The following TRPM3 variants were observed in gnomAD, a reference collection of about 807,000 sequenced individuals.
TRPM3 encodes the protein long transient receptor potential channel 3.
TRPM3 carries 77 observed loss-of-function variants against 181.2 expected under a neutral mutation model. The ratio of observed to expected loss-of-function variants is 0.42; its 90% CI spans 0.35 to 0.51. The LOEUF is 0.51. TRPM3 is among the 20% of genes least tolerant of loss of function. The pLI is 0.01. For synonymous variants in TRPM3, 745 were observed against 796.4 expected (o/e 0.94, Z 1.09); for missense variants, 1,759 against 2,196.7 (o/e 0.80, Z 3.98).
At chr9:70,835,002 G>C in intron 5 of TRPM3, among the ~76,000 whole-genome samples, 1 of 152,110 alleles carries the variant, frequency 6.6e-6, no homozygotes, top group Non-Finnish European at 1.5e-5. Flanking sequence ...GAATGACTTG[G>C]TGCCCTCCCC....
chr9:71,035,389 T>G lies in TRPM3; in HGVS notation c.177+85789A>C, dbSNP rs180931385. ...AGAAGAGGCACTAGAAGGCATAAAT[T>G]TAGTCATTCATATATTGTATAAAAA... is the stretch of plus-strand genomic sequence containing the variant. On this transcript the variant is annotated intron_variant, in intron 1 of 25. Coordinates refer to ENST00000677713, the MANE Select transcript of TRPM3 (RefSeq NM_001366145.2). Among the ~76,000 whole-genome samples the G allele has an allele frequency of 3.0e-4, 45 of 152,298 alleles. No homozygotes were observed. The East Asian group carries it at 7.9e-3, about 27-fold the overall frequency.
intron 3 of TRPM3, among the ~76,000 whole-genome samples, chr9:70,859,493 A>G (rs2095472006): frequency 6.6e-6 from 1 of 152,230 alleles, no homozygotes; most frequent in African/African-American, 2.4e-5. Flanking sequence ...TGTTATAAAC[A>G]TAAAACAAGG....
At chr9:71,058,510 C>T (rs1408922417) in intron 1 of TRPM3, among the ~76,000 whole-genome samples, 1 of 152,018 alleles carries the variant, frequency 6.6e-6, no homozygotes, top group Non-Finnish European at 1.5e-5. Flanking sequence ...AGCTGGTCTA[C>T]CTGATGTATC....
chr9:70,644,343 G>A (rs1330371993), intron 9 of TRPM3, among the ~76,000 whole-genome samples: 1 of 152,160 alleles, frequency 6.6e-6, no homozygotes. Flanking sequence ...ACCCGACCTT[G>A]CATGTCCCCA....
chr9:70,604,018 T>A (rs761842826), intron 19 of TRPM3, among the ~76,000 whole-genome samples: 96 of 152,228 alleles, frequency 6.3e-4, no homozygotes, highest in Non-Finnish European at 1.3e-3. Flanking sequence ...CTGTTTTCAT[T>A]TCACCACTTT....
rs147612040 is a variant in TRPM3 at position 71,131,638 on chromosome 9, T to C, written c.184-267127A>G. Reference sequence around the variant, plus strand: ...TGACTATTGCTTGTCTATAAACTGATTTGAACACATACTGACTCTACAGTG... The same window carrying C: ...TGACTATTGCTTGTCTATAAACTGACTTGAACACATACTGACTCTACAGTG... On this transcript the variant is annotated intron_variant, in intron 1 of 24. Transcript: ENST00000357533. 4.6e-4 allele frequency among the ~76,000 whole-genome samples: 70 copies of C among 152,282 alleles called. No homozygotes were observed. In the East Asian group the frequency reaches 0.012, roughly 26 times the overall value.
chr9:71,159,322 C>T (rs999893059), intron 1 of TRPM3, among the ~76,000 whole-genome samples: 2 of 151,928 alleles, frequency 1.3e-5, no homozygotes, highest in African/African-American at 4.8e-5. Flanking sequence ...TCTATAGAAG[C>T]CCATTAACAC....
chr9:71,025,046 C>A (rs151118621), intron 1 of TRPM3, among the ~76,000 whole-genome samples: 144 of 152,296 alleles, frequency 9.5e-4, no homozygotes, highest in African/African-American at 2.7e-3. Flanking sequence ...TTACAACATA[C>A]CATTGTAATG....
chr9:70,681,906 C>T lies in TRPM3; in HGVS notation c.1273-328G>A, dbSNP rs561845463. On this transcript the variant is annotated intron_variant, in intron 8 of 25. Coordinates refer to ENST00000677713, the MANE Select transcript of TRPM3 (RefSeq NM_001366145.2). ...AATGTGATAGCTTTAGGAGGTGGGT[C>T]TTTGGGAGGTCATTAGGTGATGATT... is the stretch of plus-strand genomic sequence containing the variant. Among the ~76,000 whole-genome samples, 39 of 152,230 alleles carry T rather than the reference C, an allele frequency of 2.6e-4. No homozygotes were observed. In the South Asian group the frequency reaches 6.4e-3, roughly 25 times the overall value.
intron 22 of TRPM3, among the ~76,000 whole-genome samples, chr9:70,554,541 G>T (rs1021713040): frequency 1.3e-5 from 2 of 152,130 alleles, no homozygotes; most frequent in Non-Finnish European, 2.9e-5. Context: ...CTGCCCTGGG[G>T]ATCACCTGGC....
At chr9:71,141,147 A>C (rs1017007799) in intron 1 of TRPM3, among the ~76,000 whole-genome samples, 2 of 152,186 alleles carry the variant, frequency 1.3e-5, no homozygotes, top group Non-Finnish European at 2.9e-5. Context: ...CCACAAAGAA[A>C]TAAGAAAGCT....
intron 1 of TRPM3, among the ~76,000 whole-genome samples, chr9:70,915,456 C>G (rs1330240113): frequency 1.3e-5 from 2 of 151,202 alleles, no homozygotes; most frequent in Non-Finnish European, 2.9e-5. Context: ...CACCACCATG[C>G]CCGGCTAATT....
intron 1 of TRPM3, among the ~76,000 whole-genome samples, chr9:70,870,921 A>C (rs2095776709): frequency 6.6e-6 from 1 of 151,980 alleles, no homozygotes; most frequent in African/African-American, 2.4e-5. Flanking sequence ...TAGTCAGAAA[A>C]CTATATTTTA....
chr9:70,606,810 C>G (rs913640742), intron 19 of TRPM3, among the ~76,000 whole-genome samples: 1 of 152,014 alleles, frequency 6.6e-6, no homozygotes, highest in Non-Finnish European at 1.5e-5. Context: ...TTTCCATTAA[C>G]TAAGATTCAT....
At chr9:70,892,864 A>C (rs1409424040) in intron 1 of TRPM3, among the ~76,000 whole-genome samples, 1 of 152,204 alleles carries the variant, frequency 6.6e-6, no homozygotes, top group Non-Finnish European at 1.5e-5. Context: ...AAATAATATT[A>C]CAGGTTTCTT....
At chr9:71,029,654 G>A (rs2057035835) in intron 1 of TRPM3, among the ~76,000 whole-genome samples, 2 of 152,248 alleles carry the variant, frequency 1.3e-5, no homozygotes, top group South Asian at 2.1e-4. Flanking sequence ...CAGTACATAT[G>A]TTCTTGAGAG....
At chr9:71,083,367 G>C (rs1248977898) in intron 1 of TRPM3, among the ~76,000 whole-genome samples, 1 of 152,014 alleles carries the variant, frequency 6.6e-6, no homozygotes, top group Non-Finnish European at 1.5e-5. Context: ...CAAGCAACTT[G>C]CCCAAGGTTA....
chr9:70,758,390 A>G (rs2077470211), intron 8 of TRPM3, among the ~76,000 whole-genome samples: 2 of 152,346 alleles, frequency 1.3e-5, no homozygotes, highest in Middle Eastern at 3.4e-3. Context: ...AATATTGTGA[A>G]AATAGTCATA....
rs796200139 is a variant in TRPM3 at position 70,686,603 on chromosome 9, T to G, written c.1273-5025A>C. On this transcript the variant is annotated intron_variant, in intron 8 of 25. Transcript: ENST00000677713. ...CTCCCTCCCTCCCTCCCTCCCTCCC[T>G]CCCTCCCGCCCTTCCTGGAAACTCC... is the stretch of plus-strand genomic sequence containing the variant. Among the ~76,000 whole-genome samples, 209 of 26,236 alleles carry G rather than the reference T, an allele frequency of 8.0e-3. 10 individuals carry two copies. The highest frequency in any genetic ancestry group is 0.026 in the African/African-American group (150 of 5,784). 17.2% of individuals were successfully genotyped at this position (26,236 alleles called of 152,430 possible).
Sources: gnomAD v4.1 joint callset for allele counts (sites outside exome capture counted in the v4.1 genomes callset) on GRCh38, gnomAD v4.1.1 for gene constraint, MANE v1.5 for transcripts, NCBI Gene and HGNC (gene_info 2026-07-23, HGNC 2026-07-21) for gene names.